Variants in B3GALT1 observed in about 807,000 individuals in gnomAD.
The protein encoded by B3GALT1 is UDP-Gal:betaGlcNAc beta 1,3-galactosyltransferase, polypeptide 1.
A neutral mutation model predicts 23.2 loss-of-function variants in B3GALT1; 10 were observed. The ratio of observed to expected loss-of-function variants is 0.43; its 90% CI spans 0.27 to 0.73. The LOEUF is 0.73. Ranked by LOEUF, B3GALT1 falls within the 30% of genes least tolerant of loss-of-function variation. B3GALT1 has a pLI of 0.21. For missense variants in B3GALT1, 299 were observed against 405.4 expected (o/e 0.74, Z 2.25); for synonymous variants, 156 against 141.5 (o/e 1.10, Z -0.73).
chr2:167,710,948 G>A (rs558235670), intron 3 of B3GALT1, among the ~76,000 whole-genome samples: 1 of 152,248 alleles, frequency 6.6e-6, no homozygotes, highest in Non-Finnish European at 1.5e-5. Context: ...TAGTGGCCCT[G>A]TGTAAAGCCC....
chr2:167,354,360 T>G (rs925138074), intron 1 of B3GALT1, among the ~76,000 whole-genome samples: 2 of 150,964 alleles, frequency 1.3e-5, no homozygotes, highest in African/African-American at 4.9e-5. Context: ...TTTTTTTTTT[T>G]TTTTTGAGAT....
At position 167,829,186 on chromosome 2, in the gene B3GALT1, T is replaced by C. The variant is rs1324494926; in HGVS notation, c.-230+10393T>C. 2.0e-5 allele frequency among the ~76,000 whole-genome samples: 3 copies of C among 152,122 alleles called. No individual in the cohort carries two copies. In the East Asian group the frequency reaches 5.8e-4, roughly 29 times the overall value. On this transcript the variant is annotated intron_variant, in intron 4 of 4. Coordinates refer to ENST00000392690, the MANE Select transcript of B3GALT1 (RefSeq NM_020981.4). The stretch of plus-strand genomic sequence containing the variant: ...GACATTTTTCAAAAATTATTTCTAA[T>C]AAAAATAGATATCTAGGCCAGGTGC...
intron 1 of B3GALT1, among the ~76,000 whole-genome samples, chr2:167,340,507 G>T (rs1433788450): frequency 6.6e-6 from 1 of 152,072 alleles, no homozygotes; most frequent in Non-Finnish European, 1.5e-5. Flanking sequence ...AATTTTTGCA[G>T]TCCTTTATTG....
intron 3 of B3GALT1, among the ~76,000 whole-genome samples, chr2:167,672,821 T>C (rs541405831): frequency 6.6e-6 from 1 of 152,202 alleles, no homozygotes; most frequent in Admixed American, 6.5e-5. Flanking sequence ...TTTATAAATA[T>C]AGATAAGGGA....
At chr2:167,515,441 A>G (rs983841023) in intron 2 of B3GALT1, among the ~76,000 whole-genome samples, 1 of 152,144 alleles carries the variant, frequency 6.6e-6, no homozygotes, top group African/African-American at 2.4e-5. Flanking sequence ...ATGATGAGCC[A>G]CTGAATAGTG....
chr2:167,621,779 C>A (rs1384101986), intron 2 of B3GALT1, among the ~76,000 whole-genome samples: 2 of 152,008 alleles, frequency 1.3e-5, no homozygotes, highest in East Asian at 3.9e-4. Context: ...GCTCTTCTCC[C>A]TTTGCTTGGC....
chr2:167,456,894 G>A (rs557927390), intron 1 of B3GALT1, among the ~76,000 whole-genome samples: 13 of 152,188 alleles, frequency 8.5e-5, no homozygotes, highest in African/African-American at 3.1e-4. Context: ...CATTATGTAG[G>A]CATGATTAAT....
intron 1 of B3GALT1, among the ~76,000 whole-genome samples, chr2:167,340,996 TAAAA>T (rs966022491): frequency 6.6e-6 from 1 of 151,826 alleles, no homozygotes; most frequent in African/African-American, 2.4e-5. Flanking sequence ...ACAAAATAAA[TAAAA>T]CAATAAAATC....
intron 2 of B3GALT1, among the ~76,000 whole-genome samples, chr2:167,626,328 T>C (rs921010148): frequency 6.6e-6 from 1 of 151,708 alleles, no homozygotes; most frequent in African/African-American, 2.4e-5. Context: ...TAAATATGTG[T>C]ATCTTCTTTA....
chr2:167,346,930 T>G (rs981991439), intron 1 of B3GALT1, among the ~76,000 whole-genome samples: 1 of 152,214 alleles, frequency 6.6e-6, no homozygotes, highest in African/African-American at 2.4e-5. Context: ...ACTAAAGCTC[T>G]GATCCACCTT....
In B3GALT1 at chr2:167,303,644, T is replaced by TACACACACACACACACAC. The variant is rs61323885; in HGVS notation, c.-511+10332_-511+10349dup. Among the ~76,000 whole-genome samples the TACACACACACACACACAC allele has an allele frequency of 4.0e-4, 58 of 144,898 alleles. 2 individuals carry two copies. The highest frequency in any genetic ancestry group is 1.4e-3 in the African/African-American group (55 of 38,328). ...TCTCCTGCTCTTGGAAACACACACA[T>TACACACACACACACACAC]ACACACACACACACACACACACACA... On this transcript the variant is annotated intron_variant, in intron 1 of 4. Transcript: ENST00000392690.
At chr2:167,479,906 A>G (rs867622257) in intron 1 of B3GALT1, among the ~76,000 whole-genome samples, 3 of 152,172 alleles carry the variant, frequency 2.0e-5, no homozygotes, top group South Asian at 4.1e-4. Flanking sequence ...GCTGCTTATT[A>G]GCTGGGGAAC....
At chr2:167,559,907 C>G (rs1290794267) in intron 2 of B3GALT1, among the ~76,000 whole-genome samples, 9 of 152,126 alleles carry the variant, frequency 5.9e-5, no homozygotes, top group Admixed American at 1.3e-4. Flanking sequence ...GAGAACTTCC[C>G]CAATCTAGCA....
chr2:167,852,988 GGTTAAA>G (rs1689933576), intron 4 of B3GALT1, among the ~76,000 whole-genome samples: 1 of 152,066 alleles, frequency 6.6e-6, no homozygotes, highest in African/African-American at 2.4e-5. Context: ...CCCTTACAGA[GGTTAAA>G]GTTTATCAAA....
At chr2:167,414,729 T>G (rs1281361811) in intron 1 of B3GALT1, among the ~76,000 whole-genome samples, 1 of 152,198 alleles carries the variant, frequency 6.6e-6, no homozygotes, top group East Asian at 1.9e-4. Context: ...TTGGAAACCT[T>G]CAATCAACAA....
chr2:167,502,815 G>A (rs1429167859), intron 2 of B3GALT1, among the ~76,000 whole-genome samples: 3 of 152,166 alleles, frequency 2.0e-5, no homozygotes, highest in Non-Finnish European at 2.9e-5. Flanking sequence ...CAAGGCAGGT[G>A]GATCCCTGAG....
intron 1 of B3GALT1, among the ~76,000 whole-genome samples, chr2:167,311,646 G>A (rs1387779054): frequency 6.6e-6 from 1 of 151,690 alleles, no homozygotes; most frequent in Non-Finnish European, 1.5e-5. Context: ...GTCTGTAAAG[G>A]TGACATAACA....
chr2:167,353,711 A>G (rs947938421), intron 1 of B3GALT1, among the ~76,000 whole-genome samples: 3 of 152,130 alleles, frequency 2.0e-5, no homozygotes, highest in African/African-American at 7.2e-5. Flanking sequence ...ATCATATTGA[A>G]ATATGTCAGT....
intron 1 of B3GALT1, among the ~76,000 whole-genome samples, chr2:167,387,964 A>C (rs1376846550): frequency 6.6e-6 from 1 of 152,232 alleles, no homozygotes; most frequent in Non-Finnish European, 1.5e-5. Flanking sequence ...CTATTACATC[A>C]CTAATGGCAT....
Sources: gnomAD v4.1 joint callset for allele counts (sites outside exome capture counted in the v4.1 genomes callset) on GRCh38, gnomAD v4.1.1 for gene constraint, MANE v1.5 for transcripts, NCBI Gene and HGNC (gene_info 2026-07-23, HGNC 2026-07-21) for gene names.